Variants in GHR observed in about 807,000 individuals in gnomAD.
The protein encoded by GHR is growth hormone receptor.
A neutral mutation model predicts 67.1 loss-of-function variants in GHR; 35 were observed. That is an observed-to-expected ratio of 0.52 (90% CI 0.40 to 0.69). The LOEUF is 0.69. Among genes scored for constraint, GHR ranks in the 30% least tolerant of loss-of-function variants. The probability of loss-of-function intolerance (pLI) is 0.00; values close to 1 mark genes in which losing one functional copy is unlikely to be tolerated. For missense variants in GHR, 792 were observed against 764.6 expected (o/e 1.04, Z -0.42); for synonymous variants, 272 against 269.1 (o/e 1.01, Z -0.10).
chr5:42,597,972 G>A (rs530611480), intron 2 of GHR, among the ~76,000 whole-genome samples: 2 of 152,270 alleles, frequency 1.3e-5, no homozygotes, highest in South Asian at 2.1e-4. Context: ...TTATACCTCA[G>A]AAATGAGTCA....
intron 1 of GHR, among the ~76,000 whole-genome samples, chr5:42,500,302 G>T (rs531595841): frequency 6.6e-6 from 1 of 152,348 alleles, no homozygotes; most frequent in African/African-American, 2.4e-5. Flanking sequence ...TCAGCCCATG[G>T]ATTATTATTT....
At chr5:42,488,001 T>C (rs1259891920) in intron 1 of GHR, among the ~76,000 whole-genome samples, 1 of 152,186 alleles carries the variant, frequency 6.6e-6, no homozygotes, top group Non-Finnish European at 1.5e-5. Flanking sequence ...GAACAGCTCT[T>C]AACATGCTTT....
intron 2 of GHR, among the ~76,000 whole-genome samples, chr5:42,615,741 CAA>C (rs57137627): frequency 0.018 from 2,329 of 130,854 alleles, 58 homozygotes; most frequent in African/African-American, 0.058. Context: ...AAACAAAAAA[CAA>C]AAAAAAAAAA....
At chr5:42,647,202 C>T (rs1199131343) in intron 3 of GHR, among the ~76,000 whole-genome samples, 5 of 151,990 alleles carry the variant, frequency 3.3e-5, no homozygotes, top group East Asian at 1.9e-4. Context: ...AAGTTTAAGG[C>T]GGAATTGTGG....
chr5:42,685,182 G>C (rs1038162549), intron 3 of GHR, among the ~76,000 whole-genome samples: 1 of 152,094 alleles, frequency 6.6e-6, no homozygotes, highest in African/African-American at 2.4e-5. Context: ...TTATAAGTGA[G>C]AACATGTGGT....
chr5:42,503,162 G>T (rs974159385), intron 1 of GHR, among the ~76,000 whole-genome samples: 1 of 152,118 alleles, frequency 6.6e-6, no homozygotes, highest in African/African-American at 2.4e-5. Context: ...GCTTCCTTAT[G>T]CTCAACCTTC....
intron 3 of GHR, among the ~76,000 whole-genome samples, chr5:42,656,237 A>T (rs901264253): frequency 6.6e-6 from 1 of 152,190 alleles, no homozygotes; most frequent in Non-Finnish European, 1.5e-5. Context: ...TGAAGGCTTT[A>T]TGCAACTCTT....
intron 1 of GHR, among the ~76,000 whole-genome samples, chr5:42,500,614 G>A (rs1048146190): frequency 2.6e-4 from 40 of 152,288 alleles, no homozygotes; most frequent in Admixed American, 1.7e-3. Context: ...ATAAAATGAT[G>A]GGAGAGTGCA....
intron 1 of GHR, among the ~76,000 whole-genome samples, chr5:42,435,093 C>A (rs534738874): frequency 3.3e-5 from 5 of 152,296 alleles, no homozygotes; most frequent in African/African-American, 7.2e-5. Context: ...CCTACAGTAT[C>A]TTTTTGAGCA....
Position 42,628,288 on chromosome 5 carries a change from T to C in GHR, c.71-750T>C, listed in dbSNP as rs373670427. Among the ~76,000 whole-genome samples, 282 of 151,236 alleles carry C rather than the reference T, an allele frequency of 1.9e-3. 1 individual carries two copies. Among genetic ancestry groups the C allele is most frequent in the African/African-American group, 6.6e-3 (272 of 40,956 alleles). The stretch of plus-strand genomic sequence containing the variant: ...ATGAAAACGGAAATGCCTGTTCCCA[T>C]TTAGGGCTGCAGGTCTTCAGGCTTG... On this transcript the variant is annotated intron_variant, in intron 2 of 9. Coordinates refer to ENST00000230882, the MANE Select transcript of GHR (RefSeq NM_000163.5).
intron 2 of GHR, among the ~76,000 whole-genome samples, chr5:42,596,826 G>A (rs1752094406): frequency 6.6e-6 from 1 of 152,138 alleles, no homozygotes; most frequent in Admixed American, 6.5e-5. Flanking sequence ...TCCAAGAAAA[G>A]ATCAGTCTTG....
Position 42,682,014 on chromosome 5 carries a change from C to T in GHR, c.137-6876C>T, listed in dbSNP as rs1475666402. Among the ~76,000 whole-genome samples, 3 of 151,172 alleles carry T rather than the reference C, an allele frequency of 2.0e-5. No homozygotes were observed. The East Asian group carries it at 5.8e-4, about 29-fold the overall frequency. Reference sequence around the variant, plus strand: ...ATTCACAATAGCAAAGACTTGGAACCAACCCAAATGTCCATCAGTGATAGA... The same window carrying T: ...ATTCACAATAGCAAAGACTTGGAACTAACCCAAATGTCCATCAGTGATAGA... On this transcript the variant is annotated intron_variant, in intron 3 of 9. Transcript: ENST00000230882.
At chr5:42,433,184 TG>T (rs1022087407) in intron 1 of GHR, among the ~76,000 whole-genome samples, 2 of 152,168 alleles carry the variant, frequency 1.3e-5, no homozygotes, top group African/African-American at 4.8e-5. Context: ...ATATCTACTT[TG>T]CCAGATCTTA....
chr5:42,674,934 C>T (rs1227872332), intron 3 of GHR, among the ~76,000 whole-genome samples: 2 of 152,072 alleles, frequency 1.3e-5, no homozygotes, highest in Non-Finnish European at 2.9e-5. Context: ...AATTGCTTTC[C>T]CCAGTAGCTA....
At chr5:42,715,487 A>C (rs1301100782) in intron 8 of GHR, among the ~76,000 whole-genome samples, 1 of 152,172 alleles carries the variant, frequency 6.6e-6, no homozygotes, top group African/African-American at 2.4e-5. Flanking sequence ...CTCTAGCAAA[A>C]TTTATAATTT....
At chr5:42,596,411 T>C (rs1752074917) in intron 2 of GHR, among the ~76,000 whole-genome samples, 1 of 152,200 alleles carries the variant, frequency 6.6e-6, no homozygotes, top group Admixed American at 6.5e-5. Context: ...GTAGGCTGGC[T>C]GGAGTAGCAG....
At chr5:42,466,547 A>C (rs1744741624) in intron 1 of GHR, among the ~76,000 whole-genome samples, 1 of 152,214 alleles carries the variant, frequency 6.6e-6, no homozygotes, top group Admixed American at 6.5e-5. Context: ...AGCAATCATC[A>C]GAGTTTTTAA....
intron 3 of GHR, among the ~76,000 whole-genome samples, chr5:42,648,887 G>A (rs1754881087): frequency 6.6e-6 from 1 of 152,140 alleles, no homozygotes; most frequent in Non-Finnish European, 1.5e-5. Flanking sequence ...GTGACAACCT[G>A]CAATATCTTT....
intron 1 of GHR, among the ~76,000 whole-genome samples, chr5:42,502,575 T>C (rs1183588386): frequency 6.6e-6 from 1 of 151,972 alleles, no homozygotes; most frequent in Non-Finnish European, 1.5e-5. Context: ...AAATAAGTGA[T>C]TTGTTCTTTA....
Sources: gnomAD v4.1 joint callset for allele counts (sites outside exome capture counted in the v4.1 genomes callset) on GRCh38, gnomAD v4.1.1 for gene constraint, MANE v1.5 for transcripts, NCBI Gene and HGNC (gene_info 2026-07-23, HGNC 2026-07-21) for gene names.